Variants in MMP26 observed in about 807,000 individuals in gnomAD.
MMP26 encodes the protein matrix metallopeptidase 26, also known as matrix metalloproteinase-26.
In MMP26, 33 loss-of-function variants were observed where a neutral mutation model predicts 31.0. The ratio of observed to expected loss-of-function variants is 1.06; its 90% CI spans 0.81 to 1.42. The LOEUF is 1.42. Among genes scored for constraint, MMP26 ranks in the 40% most tolerant of loss-of-function variants. MMP26 has a pLI of 0.00. For missense variants in MMP26, 347 were observed against 316.1 expected (o/e 1.10, Z -0.74); for synonymous variants, 122 against 114.9 (o/e 1.06, Z -0.40).
At chr11:4,745,570 T>C (rs1214179538) in intron 1 of MMP26, among the ~76,000 whole-genome samples, 1 of 152,198 alleles carries the variant, frequency 6.6e-6, no homozygotes, top group Non-Finnish European at 1.5e-5. Flanking sequence ...GTGGTACATT[T>C]GTACGTTCGT....
intron 1 of MMP26, among the ~76,000 whole-genome samples, chr11:4,725,299 A>C (rs1312004826): frequency 6.6e-6 from 1 of 152,240 alleles, no homozygotes; most frequent in African/African-American, 2.4e-5. Flanking sequence ...CAGCCTAAAA[A>C]GTGAAATTTG....
At position 4,848,352 on chromosome 11, in the gene MMP26, A is replaced by C. The variant is rs200928180; in HGVS notation, c.-145+81011A>C. 8.2e-4 allele frequency: 1,317 copies of C among 1,614,022 alleles called. 1 individual carries two copies. The highest frequency in any genetic ancestry group is 1.0e-3 in the Non-Finnish European group (1,221 of 1,180,018). ...TATCAATGGAGGAAGAAGGAAATGG[A>C]CATAGGATAGAAGAGTATGGGTATG... On this transcript the variant is annotated intron_variant, in intron 2 of 7. Transcript: ENST00000380390.
chr11:4,872,840 G>A (rs1474242913), intron 2 of MMP26, among the ~76,000 whole-genome samples: 3 of 151,924 alleles, frequency 2.0e-5, no homozygotes, highest in Non-Finnish European at 4.4e-5. Context: ...GGAAAGTTTA[G>A]GGTCAACTCT....
intron 1 of MMP26, chr11:4,719,484 C>T (rs928146021): frequency 1.3e-5 from 2 of 153,832 alleles, no homozygotes; most frequent in Admixed American, 1.3e-4. Flanking sequence ...TAATGAACCC[C>T]ATCATCTACA....
At chr11:4,716,605 C>T (rs936273086) in intron 1 of MMP26, among the ~76,000 whole-genome samples, 1 of 129,510 alleles carries the variant, frequency 7.7e-6, no homozygotes, top group Non-Finnish European at 1.6e-5. Context: ...ATCTCTTATG[C>T]TTTTGAAGCA....
chr11:4,852,145 A>G (rs1027506122), intron 2 of MMP26, among the ~76,000 whole-genome samples: 15 of 152,174 alleles, frequency 9.9e-5, no homozygotes, highest in African/African-American at 3.4e-4. Context: ...GGCTATACTA[A>G]TATCATATAA....
chr11:4,830,498 A>G (rs935566116), intron 2 of MMP26, among the ~76,000 whole-genome samples: 1 of 152,210 alleles, frequency 6.6e-6, no homozygotes, highest in Admixed American at 6.5e-5. Context: ...TGTTGCCAAT[A>G]GTAACTCATG....
chr11:4,791,913 C>T (rs185633692), intron 2 of MMP26, among the ~76,000 whole-genome samples: 3 of 151,898 alleles, frequency 2.0e-5, no homozygotes, highest in African/African-American at 7.2e-5. Flanking sequence ...CTAGCAATCA[C>T]CCTATCTAAT....
intron 1 of MMP26, among the ~76,000 whole-genome samples, chr11:4,713,608 C>T (rs1847889498): frequency 6.6e-6 from 1 of 152,120 alleles, no homozygotes; most frequent in East Asian, 1.9e-4. Context: ...ATTACCAGTA[C>T]AAAGTCCTAG....
chr11:4,795,422 G>C (rs1321291490), intron 2 of MMP26: 2 of 152,176 alleles, frequency 1.3e-5, no homozygotes, highest in Admixed American at 1.3e-4. Context: ...TTTCCGAAAA[G>C]ATTGGGAATT....
chr11:4,759,267 A>T (rs932602789), intron 1 of MMP26, among the ~76,000 whole-genome samples: 1 of 152,284 alleles, frequency 6.6e-6, no homozygotes, highest in African/African-American at 2.4e-5. Context: ...ATGTCAACAA[A>T]GATTAGTAAG....
intron 2 of MMP26, among the ~76,000 whole-genome samples, chr11:4,930,929 A>G (rs1851338056): frequency 6.6e-6 from 1 of 152,030 alleles, no homozygotes; most frequent in Admixed American, 6.6e-5. Flanking sequence ...ATTTTAAATC[A>G]TTTTAATTAT....
intron 2 of MMP26, among the ~76,000 whole-genome samples, chr11:4,926,342 A>G: frequency 6.6e-6 from 1 of 152,206 alleles, no homozygotes; most frequent in South Asian, 2.1e-4. Context: ...GGATTTGCAG[A>G]GTTTGCTGTG....
At chr11:4,836,495 A>G (rs945821223) in intron 2 of MMP26, among the ~76,000 whole-genome samples, 1 of 151,208 alleles carries the variant, frequency 6.6e-6, no homozygotes, top group Non-Finnish European at 1.5e-5. Context: ...TGAGAAAAAG[A>G]ATGTATTTAA....
At chr11:4,774,128 A>G (rs1304352266) in intron 2 of MMP26, among the ~76,000 whole-genome samples, 2 of 152,186 alleles carry the variant, frequency 1.3e-5, no homozygotes, top group Non-Finnish European at 2.9e-5. Context: ...GTAACAGAAT[A>G]ATTTCTATTC....
At chr11:4,822,647 G>T (rs183499828) in intron 2 of MMP26, among the ~76,000 whole-genome samples, 57 of 152,156 alleles carry the variant, frequency 3.7e-4, no homozygotes, top group Admixed American at 1.4e-3. Flanking sequence ...ATTAATTCAG[G>T]CTCTGTATAC....
At chr11:4,878,007 A>G (rs1850407886) in intron 2 of MMP26, 1 of 152,156 alleles carries the variant, frequency 6.6e-6, no homozygotes, top group African/African-American at 2.4e-5. Flanking sequence ...AAATTTCTTT[A>G]TGCTTCCCAT....
chr11:4,888,725 G>A (rs1028169140), intron 2 of MMP26, among the ~76,000 whole-genome samples: 1 of 152,144 alleles, frequency 6.6e-6, no homozygotes, highest in Non-Finnish European at 1.5e-5. Context: ...TAAGGCAAAA[G>A]AATTCCTGGT....
chr11:4,910,103 C>G lies in MMP26; in HGVS notation c.-144-77965C>G, dbSNP rs137866589. On this transcript the variant is annotated intron_variant, in intron 2 of 7. Coordinates refer to ENST00000380390, the MANE Select transcript of MMP26 (RefSeq NM_021801.5). ...GACATGGGCTTCATTGAGCTAAAAT[C>G]AAGATGTTAGCAAGCCTACATTCCT... Among the ~76,000 whole-genome samples the G allele has an allele frequency of 7.2e-3, 1,091 of 152,170 alleles. 15 individuals are homozygous for G. The highest frequency in any genetic ancestry group is 0.024 in the African/African-American group (982 of 41,540).
Sources: allele counts gnomAD v4.1 joint callset (sites outside exome capture counted in the v4.1 genomes callset), GRCh38; gene constraint gnomAD v4.1.1; transcripts MANE v1.5; gene names NCBI Gene and HGNC (gene_info 2026-07-23, HGNC 2026-07-21).